Variants in SS18L1 observed in about 807,000 individuals in gnomAD.
The protein encoded by SS18L1 is SS18L1 subunit of BAF chromatin remodeling complex.
In SS18L1, 32 loss-of-function variants were observed where a neutral mutation model predicts 70.3. That is an observed-to-expected ratio of 0.46 (90% CI 0.34 to 0.61). The LOEUF is 0.61. Ranked by LOEUF, SS18L1 falls within the 20% of genes least tolerant of loss-of-function variation. The probability of loss-of-function intolerance (pLI) is 0.01; values close to 1 mark genes in which losing one functional copy is unlikely to be tolerated. For missense variants in SS18L1, 430 were observed against 542.1 expected (o/e 0.79, Z 2.05); for synonymous variants, 237 against 229.7 (o/e 1.03, Z -0.29).
intron 5 of SS18L1, 37 bp from the exon 6 acceptor site, chr20:62,163,421 T>TC: frequency 6.2e-7 from 1 of 1,609,962 alleles, no homozygotes; most frequent in Non-Finnish European, 8.5e-7. Flanking sequence ...GCGGGAGGCT[T>TC]CCCGGGGTGA....
In SS18L1 at chr20:62,174,312, C is replaced by T. The variant is rs867085727; in HGVS notation, c.1037-205C>T. On this transcript the variant is annotated intron_variant, in intron 9 of 10. Coordinates refer to ENST00000331758, the MANE Select transcript of SS18L1 (RefSeq NM_198935.3). The surrounding 1 kb of genome is among the most constrained non-coding windows in gnomAD (Gnocchi z 4.1). Reference sequence around the variant, plus strand: ...CACAGGACTGGAGGGGCTGGTGAGTCGGTTACGTGGTGCTCTCGCTGTACA... The same window carrying T: ...CACAGGACTGGAGGGGCTGGTGAGTTGGTTACGTGGTGCTCTCGCTGTACA... Among the ~76,000 whole-genome samples the T allele has an allele frequency of 6.6e-6, 1 of 151,360 alleles. No homozygotes were observed. Among genetic ancestry groups the T allele is most frequent in the Non-Finnish European group, 1.5e-5 (1 of 68,002 alleles).
At chr20:62,155,010 C>G (rs2057197331) in intron 1 of SS18L1, among the ~76,000 whole-genome samples, 1 of 152,224 alleles carries the variant, frequency 6.6e-6, no homozygotes, top group Non-Finnish European at 1.5e-5. Flanking sequence ...TCTGTTGTTT[C>G]TAACTGGCAT....
At chr20:62,169,614 A>C (rs1053804968) in intron 8 of SS18L1, among the ~76,000 whole-genome samples, 3 of 152,118 alleles carry the variant, frequency 2.0e-5, no homozygotes, top group Middle Eastern at 3.4e-3. Flanking sequence ...CCCCATCTCG[A>C]CCAAAAATAC....
intron 8 of SS18L1, among the ~76,000 whole-genome samples, chr20:62,171,511 A>C (rs2057531458): frequency 6.6e-6 from 1 of 152,242 alleles, no homozygotes; most frequent in Non-Finnish European, 1.5e-5. Flanking sequence ...TCGCCTTAGG[A>C]GGAGTTCAGC....
chr20:62,159,986 T>C lies in SS18L1; in HGVS notation c.231+25T>C. ...CGTGAGTACCCACGGGGGGTTGGCC[T>C]CCTTTACCCAGCAAGGACTCCGACA... On this transcript the variant is annotated intron_variant, in intron 3 of 10. Transcript: ENST00000331758. This position sits in a 1 kb window ranked among gnomAD's most constrained non-coding sequence, Gnocchi z 4.4. 6.2e-7 allele frequency: 1 copy of C among 1,600,998 alleles called. No homozygotes were observed. The highest frequency in any genetic ancestry group is 1.7e-4 in the Middle Eastern group (1 of 6,038).
In SS18L1 at chr20:62,167,034, G is replaced by GTTTTTTTTTT. The variant is rs1235961398; in HGVS notation, c.916+1523_916+1524insTTTTTTTTTT. Among the ~76,000 whole-genome samples the GTTTTTTTTTT allele has an allele frequency of 5.7e-5, 7 of 123,492 alleles. No individual in the cohort carries two copies. In the East Asian group the frequency reaches 1.0e-3, roughly 18 times the overall value. The allele number at this position is 123,492 out of a possible 152,430, so 81.0% of individuals were successfully genotyped here. A position where few individuals can be genotyped will look rare whatever the true frequency, so the allele number is the denominator to read the frequency against. ...GGAGGAGGATTGCTTGAGCTCAGGA[G>GTTTTTTTTTT]TTTGTTTGTTTTTTTTTTTTTTTTT... On this transcript the variant is annotated intron_variant, in intron 8 of 10. Coordinates refer to ENST00000331758, the MANE Select transcript of SS18L1 (RefSeq NM_198935.3).
chr20:62,152,530 G>A (rs375749754), intron 1 of SS18L1, among the ~76,000 whole-genome samples: 64 of 152,326 alleles, frequency 4.2e-4, no homozygotes, highest in African/African-American at 1.3e-3. Flanking sequence ...GAAAGGGTGG[G>A]GAGAACTGTA....
intron 10 of SS18L1, among the ~76,000 whole-genome samples, chr20:62,176,717 C>T (rs773002276): frequency 1.3e-5 from 2 of 151,628 alleles, no homozygotes; most frequent in East Asian, 1.9e-4. Flanking sequence ...GTGGGAGAAT[C>T]GCTTGAACCG....
At chr20:62,177,479 C>T (rs555523957) in intron 10 of SS18L1, among the ~76,000 whole-genome samples, 9 of 152,120 alleles carry the variant, frequency 5.9e-5, no homozygotes, top group Non-Finnish European at 1.0e-4. Context: ...GTGACGTGTT[C>T]GGTCAGGCTG....
At chr20:62,155,036 G>A (rs2057197808) in intron 1 of SS18L1, among the ~76,000 whole-genome samples, 1 of 152,040 alleles carries the variant, frequency 6.6e-6, no homozygotes, top group South Asian at 2.1e-4. Context: ...TCTTTTCTGG[G>A]GCTCCAGTAA....
At chr20:62,148,855 CTG>C (rs1397120722) in intron 1 of SS18L1, among the ~76,000 whole-genome samples, 1 of 152,262 alleles carries the variant, frequency 6.6e-6, no homozygotes, top group Non-Finnish European at 1.5e-5. Flanking sequence ...GATAAAGACA[CTG>C]TGCCTGCCCA....
intron 7 of SS18L1, 44 bp downstream of exon 7, chr20:62,164,290 A>C (rs1234627810): frequency 6.6e-7 from 1 of 1,525,400 alleles, no homozygotes; most frequent in Non-Finnish European, 8.8e-7. Flanking sequence ...AACGCAGAGC[A>C]GCTGCAGGGG....
chr20:62,166,090 C>G (rs1364847034), intron 8 of SS18L1, among the ~76,000 whole-genome samples: 4 of 152,234 alleles, frequency 2.6e-5, no homozygotes, highest in Admixed American at 6.5e-5. Context: ...GTGCCCCCAC[C>G]CTGGCTGCCC....
chr20:62,172,917 C>G, intron 9 of SS18L1, 116 bp downstream of exon 9: 2 of 1,537,284 alleles, frequency 1.3e-6, no homozygotes, highest in Non-Finnish European at 1.8e-6. Context: ...AGCAGGGCTA[C>G]GGTAAGAGGC....
rs769062782 is a variant in SS18L1 at position 62,143,800 on chromosome 20, G to T, written c.-21G>T. The T allele has an allele frequency of 5.2e-6, 7 of 1,352,152 alleles. No homozygotes were observed. Among genetic ancestry groups the T allele is most frequent in the East Asian group, 4.1e-5 (1 of 24,182 alleles). 83.8% of individuals were successfully genotyped at this position (1,352,152 alleles called of 1,614,324 possible). The stretch of plus-strand genomic sequence containing the variant: ...GGAGTATCCACCTCGATGACCACGG[G>T]CTGAGCCCCGCGCCGCCACCATGTC... On this transcript the variant is annotated 5_prime_UTR_variant, in exon 1 of 11. Coordinates refer to ENST00000331758, the MANE Select transcript of SS18L1 (RefSeq NM_198935.3).
Position 62,163,322 on chromosome 20 carries a change from G to T in SS18L1, c.557-136G>T, listed in dbSNP as rs893633940. ...AGGCCACGTAGGGGAGGCGTGCCTT[G>T]CGGTGGAGGACGCTGTCCTCGTGGG... On this transcript the variant is annotated intron_variant, in intron 5 of 10. Transcript: ENST00000331758. The T allele has an allele frequency of 2.1e-5, 28 of 1,321,898 alleles. No homozygotes were observed. In the Middle Eastern group the frequency reaches 7.8e-4, roughly 37 times the overall value. The allele number at this position is 1,321,898 out of a possible 1,614,324, so 81.9% of individuals were successfully genotyped here. A position where few individuals can be genotyped will look rare whatever the true frequency, so the allele number is the denominator to read the frequency against.
intron 1 of SS18L1, among the ~76,000 whole-genome samples, chr20:62,151,429 T>C (rs2057127301): frequency 6.6e-6 from 1 of 152,156 alleles, no homozygotes; most frequent in South Asian, 2.1e-4. Context: ...CTTGGGTTTG[T>C]CTCCCTGTGG....
chr20:62,167,823 T>A (rs1381581963), intron 8 of SS18L1, among the ~76,000 whole-genome samples: 5 of 152,084 alleles, frequency 3.3e-5, no homozygotes, highest in African/African-American at 1.2e-4. Context: ...TACTTTTTTT[T>A]TTTTTTTAAA....
Position 62,159,870 on chromosome 20 carries a change from CCTG to C in SS18L1, c.147-5_147-3del. 2 of 1,611,950 alleles carry C rather than the reference CCTG, an allele frequency of 1.2e-6. No homozygotes were observed. The highest frequency in any genetic ancestry group is 1.7e-6 in the Non-Finnish European group (2 of 1,179,646). On this transcript the variant is annotated splice_polypyrimidine_tract_variant and splice_region_variant and intron_variant, in intron 2 of 10. Coordinates refer to ENST00000331758, the MANE Select transcript of SS18L1 (RefSeq NM_198935.3). This position sits in a 1 kb window ranked among gnomAD's most constrained non-coding sequence, Gnocchi z 4.4. ...GTCCTGCCTCATGCGTGCCCCCTCTCCTGCAGGTACCAGCAGATCCTGCACCGG... is the reference window on the plus strand; with the variant it reads ...GTCCTGCCTCATGCGTGCCCCCTCTCCAGGTACCAGCAGATCCTGCACCGG...
Sources: gnomAD v4.1 joint callset for allele counts (sites outside exome capture counted in the v4.1 genomes callset) on GRCh38, gnomAD v4.1.1 for gene constraint, Gnocchi (gnomAD v3.1) non-coding constraint, MANE v1.5 for transcripts, NCBI Gene and HGNC (gene_info 2026-07-23, HGNC 2026-07-21) for gene names.